SLC9A8: variants seen among roughly 807,000 people sequenced by gnomAD.
SLC9A8 encodes solute carrier family 9 member A8.
SLC9A8 carries 48 observed loss-of-function variants against 66.6 expected under a neutral mutation model. That is an observed-to-expected ratio of 0.72 (90% confidence interval 0.57 to 0.92). SLC9A8 has a LOEUF of 0.92. Among genes scored for constraint, SLC9A8 ranks in the 40% least tolerant of loss-of-function variants. SLC9A8 has a pLI of 0.00. For synonymous variants in SLC9A8, 274 were observed against 282.6 expected (o/e 0.97, Z 0.31); for missense variants, 599 against 747.3 (o/e 0.80, Z 2.31).
chr20:49,878,721 G>C (rs1227958053), intron 12 of SLC9A8, among the ~76,000 whole-genome samples: 1 of 152,166 alleles, frequency 6.6e-6, no homozygotes, highest in Admixed American at 6.5e-5. Context: ...GTCCTTTACA[G>C]AAAGTATAAT....
At chr20:49,822,719 T>A (rs1042374711) in intron 2 of SLC9A8, among the ~76,000 whole-genome samples, 8 of 152,180 alleles carry the variant, frequency 5.3e-5, no homozygotes, top group Non-Finnish European at 8.8e-5. Context: ...CCTGGGAAGT[T>A]GAGACTGCAG....
intron 8 of SLC9A8, among the ~76,000 whole-genome samples, chr20:49,858,477 T>G (rs2088598299): frequency 6.6e-6 from 1 of 151,602 alleles, no homozygotes; most frequent in African/African-American, 2.4e-5. Context: ...CATTGGGAGC[T>G]AAACTCAATT....
chr20:49,843,915 A>G (rs768193310), intron 4 of SLC9A8, among the ~76,000 whole-genome samples: 2 of 151,844 alleles, frequency 1.3e-5, no homozygotes, highest in East Asian at 1.9e-4. Context: ...TTCGTTCCCT[A>G]TACAGCTGGT....
chr20:49,878,754 T>C (rs745889476), intron 12 of SLC9A8, among the ~76,000 whole-genome samples: 5 of 152,134 alleles, frequency 3.3e-5, no homozygotes, highest in Non-Finnish European at 7.3e-5. Context: ...GCGCGGTGGC[T>C]CACACCTGTA....
chr20:49,861,765 A>C (rs1169810990), intron 8 of SLC9A8, among the ~76,000 whole-genome samples: 1 of 152,194 alleles, frequency 6.6e-6, no homozygotes, highest in Non-Finnish European at 1.5e-5. Flanking sequence ...GACAAAACCA[A>C]CAATTGAATT....
At chr20:49,818,336 A>G (rs1454522444) in intron 2 of SLC9A8, among the ~76,000 whole-genome samples, 1 of 152,124 alleles carries the variant, frequency 6.6e-6, no homozygotes, top group African/African-American at 2.4e-5. Flanking sequence ...CAGATTCTTG[A>G]TAGTTTATGA....
intron 10 of SLC9A8, among the ~76,000 whole-genome samples, chr20:49,870,433 G>A (rs1040765989): frequency 2.0e-5 from 3 of 152,196 alleles, no homozygotes; most frequent in Non-Finnish European, 2.9e-5. Flanking sequence ...GCCCAGGGAC[G>A]CTCTAGGGAA....
At chr20:49,882,291 C>T (rs1294898860) in intron 13 of SLC9A8, among the ~76,000 whole-genome samples, 1 of 152,242 alleles carries the variant, frequency 6.6e-6, no homozygotes, top group Non-Finnish European at 1.5e-5. Context: ...CTTGGCAGGT[C>T]ACCAGTGACC....
intron 14 of SLC9A8, 153 bp downstream of exon 14, chr20:49,884,219 C>CGCG: frequency 2.4e-5 from 8 of 328,074 alleles, no homozygotes; most frequent in Non-Finnish European, 2.8e-5. Flanking sequence ...CACACACACA[C>CGCG]ACACACACAC....
At chr20:49,829,659 G>T (rs2087089719) in intron 3 of SLC9A8, 2 of 468,704 alleles carry the variant, frequency 4.3e-6, no homozygotes, top group Non-Finnish European at 8.4e-6. Context: ...GATTCACAAG[G>T]GTAAACTATT....
chr20:49,841,003 A>G (rs1354315487), intron 4 of SLC9A8, among the ~76,000 whole-genome samples: 1 of 151,622 alleles, frequency 6.6e-6, no homozygotes, highest in Non-Finnish European at 1.5e-5. Context: ...CTTTAAAACA[A>G]TTAAAAATTG....
intron 2 of SLC9A8, among the ~76,000 whole-genome samples, chr20:49,817,066 A>G (rs973754451): frequency 6.6e-6 from 1 of 150,434 alleles, no homozygotes; most frequent in Non-Finnish European, 1.5e-5. Context: ...CGTGGCTCAC[A>G]CCTATAATCC....
In SLC9A8 at chr20:49,834,386, GTGTATATATATATACTGTGTA is replaced by G. The variant is rs1568813595; in HGVS notation, c.290-5153_290-5133del. Among the ~76,000 whole-genome samples the G allele has an allele frequency of 8.6e-4, 32 of 37,216 alleles. 1 individual carries two copies. Among genetic ancestry groups the G allele is most frequent in the African/African-American group, 3.7e-3 (20 of 5,384 alleles). The allele number at this position is 37,216 out of a possible 152,430, so 24.4% of individuals were successfully genotyped here. On this transcript the variant is annotated intron_variant, in intron 3 of 15. Coordinates refer to ENST00000361573, the MANE Select transcript of SLC9A8 (RefSeq NM_015266.3). ...TATACTGTGTATATATATATATACTGTGTATATATATATACTGTGTATATATATATACTGTATATATATACT... is the reference window on the plus strand; with the variant it reads ...TATACTGTGTATATATATATATACTGTATATATATACTGTATATATATACT...
At chr20:49,884,289 G>GACACACACGAC (rs1555848424) in intron 14 of SLC9A8, 25 of 38,760 alleles carry the variant, frequency 6.4e-4, no homozygotes, top group East Asian at 5.8e-3. Flanking sequence ...ACACACACAC[G>GACACACACGAC]ACACACACAC....
At chr20:49,855,360 G>A in intron 7 of SLC9A8, 78 bp from the exon 8 acceptor site, 2 of 1,390,110 alleles carry the variant, frequency 1.4e-6, no homozygotes, top group Non-Finnish European at 1.0e-6. Flanking sequence ...GTTAAATATG[G>A]CCTTTGACTT....
At chr20:49,821,448 C>G (rs1359198727) in intron 2 of SLC9A8, among the ~76,000 whole-genome samples, 1 of 152,050 alleles carries the variant, frequency 6.6e-6, no homozygotes, top group Non-Finnish European at 1.5e-5. Context: ...ATAAAAATAA[C>G]ACCACAGATT....
At chr20:49,817,424 G>C (rs2086590975) in intron 2 of SLC9A8, among the ~76,000 whole-genome samples, 1 of 149,940 alleles carries the variant, frequency 6.7e-6, no homozygotes, top group African/African-American at 2.4e-5. Flanking sequence ...AATGAGATTA[G>C]GTCTTTTCAG....
intron 14 of SLC9A8, among the ~76,000 whole-genome samples, chr20:49,884,338 C>CACACACACACAGACA (rs1600823664): frequency 4.5e-5 from 2 of 44,570 alleles, no homozygotes; most frequent in African/African-American, 1.9e-4. Flanking sequence ...ACACACACAC[C>CACACACACACAGACA]CCCCGGTCAT....
intron 11 of SLC9A8, among the ~76,000 whole-genome samples, chr20:49,875,694 C>T (rs1009448537): frequency 6.6e-6 from 1 of 152,044 alleles, no homozygotes; most frequent in Non-Finnish European, 1.5e-5. Context: ...AGTGACTTTG[C>T]CCTAGCTGTC....
Sources: gnomAD v4.1 joint callset for allele counts (sites outside exome capture counted in the v4.1 genomes callset) on GRCh38, gnomAD v4.1.1 for gene constraint, MANE v1.5 for transcripts, NCBI Gene and HGNC (gene_info 2026-07-23, HGNC 2026-07-21) for gene names.